The following FMN1 variants were observed in gnomAD, a reference collection of about 807,000 sequenced individuals.
The protein encoded by FMN1 is formin 1, also known as formin-1.
In FMN1, 110 loss-of-function variants were observed where a neutral mutation model predicts 132.4. That is an observed-to-expected ratio of 0.83 (90% confidence interval 0.71 to 0.97). The LOEUF (loss-of-function observed/expected upper bound fraction) is 0.97. Ranked by LOEUF, FMN1 falls within the 50% of genes least tolerant of loss-of-function variation. The pLI, the probability that FMN1 is intolerant of heterozygous loss-of-function variation, is 0.00. For missense variants in FMN1, 1,792 were observed against 1,705.3 expected, an observed-to-expected ratio of 1.05 and a Z score of -0.90; for synonymous variants, 722 against 651.7, an observed-to-expected ratio of 1.11 and a Z score of -1.64.
At chr15:32,826,071 T>C (rs1348431010) in intron 17 of FMN1, among the ~76,000 whole-genome samples, 1 of 152,202 alleles carries the variant, frequency 6.6e-6, no homozygotes, top group Non-Finnish European at 1.5e-5. Context: ...ATGATGGAAA[T>C]AGTAGTTAGA....
chr15:32,881,749 A>G (rs141512566), intron 16 of FMN1, among the ~76,000 whole-genome samples: 57 of 152,204 alleles, frequency 3.7e-4, no homozygotes, highest in African/African-American at 1.4e-3. Flanking sequence ...TTCGTTTTGC[A>G]GGGTCAGGGC....
intron 4 of FMN1, among the ~76,000 whole-genome samples, chr15:33,121,220 T>G (rs564596039): frequency 2.0e-5 from 3 of 152,354 alleles, no homozygotes; most frequent in African/African-American, 7.2e-5. Context: ...CAGTGGGTCC[T>G]GTGTCTTGAA....
chr15:33,080,372 G>C (rs2038402957), intron 5 of FMN1, among the ~76,000 whole-genome samples: 1 of 152,140 alleles, frequency 6.6e-6, no homozygotes, highest in South Asian at 2.1e-4. Flanking sequence ...CATTTTAAAG[G>C]TTTTATTCTT....
intron 15 of FMN1, among the ~76,000 whole-genome samples, chr15:32,893,591 T>A (rs916839602): frequency 6.6e-6 from 1 of 152,228 alleles, no homozygotes; most frequent in African/African-American, 2.4e-5. Context: ...TAATTGCTCA[T>A]CACCACTAAC....
intron 5 of FMN1, among the ~76,000 whole-genome samples, chr15:33,068,882 G>A (rs1463360935): frequency 6.6e-6 from 1 of 152,200 alleles, no homozygotes; most frequent in South Asian, 2.1e-4. Context: ...TACACTCCCT[G>A]TGCCAACCGC....
intron 15 of FMN1, among the ~76,000 whole-genome samples, chr15:32,891,962 C>T (rs2141522552): frequency 6.6e-6 from 1 of 152,198 alleles, no homozygotes; most frequent in African/African-American, 2.4e-5. Flanking sequence ...CTGGAGGAGT[C>T]TTTAGGGTTT....
rs544454449 is a variant in FMN1 at position 33,098,201 on chromosome 15, G to A, written c.1868-9227C>T. ...GAAATTAGAAAATATTTGGAACACAGCTAATTCAATAATCAGAGAGAAACT... is the reference window on the plus strand; with the variant it reads ...GAAATTAGAAAATATTTGGAACACAACTAATTCAATAATCAGAGAGAAACT... On this transcript the variant is annotated intron_variant, in intron 4 of 20. Transcript: ENST00000616417. 6.6e-5 allele frequency among the ~76,000 whole-genome samples: 10 copies of A among 152,272 alleles called. No individual in the cohort carries two copies. The South Asian group carries it at 1.9e-3, about 28-fold the overall frequency.
rs542153120 is a variant in FMN1, at chr15:32,906,705, G to GT, written c.3377+1784dup. On this transcript the variant is annotated intron_variant, in intron 12 of 20. Coordinates refer to ENST00000616417, the MANE Select transcript of FMN1 (RefSeq NM_001277313.2). ...CACTTTACTTTCAGTCATTAGCACC[G>GT]TAAGAGGGATTCATTTGTTATAATA... Among the ~76,000 whole-genome samples, 11 of 152,256 alleles carry GT rather than the reference G, an allele frequency of 7.2e-5. No individual in the cohort carries two copies. In the South Asian group the frequency reaches 1.9e-3, roughly 26 times the overall value.
intron 9 of FMN1, among the ~76,000 whole-genome samples, chr15:32,949,360 A>G (rs1201093579): frequency 2.6e-5 from 4 of 152,110 alleles, no homozygotes. Context: ...GACCAAGTGA[A>G]CAGAACAGAG....
chr15:32,997,258 C>G (rs2140890090), intron 7 of FMN1, among the ~76,000 whole-genome samples: 1 of 151,608 alleles, frequency 6.6e-6, no homozygotes, highest in African/African-American at 2.4e-5. Flanking sequence ...ATTTCTGAAA[C>G]CAGTGAAATA....
intron 16 of FMN1, among the ~76,000 whole-genome samples, chr15:32,866,531 A>G (rs1567295106): frequency 6.6e-6 from 1 of 152,230 alleles, no homozygotes; most frequent in Non-Finnish European, 1.5e-5. Flanking sequence ...AAGAAGAGCT[A>G]AACAATAACA....
At chr15:33,057,568 A>G (rs1460089152) in intron 6 of FMN1, among the ~76,000 whole-genome samples, 1 of 152,232 alleles carries the variant, frequency 6.6e-6, no homozygotes, top group African/African-American at 2.4e-5. Flanking sequence ...CAGCTGGCAC[A>G]TGACAGAGCC....
chr15:32,791,406 T>C (rs537346009), intron 19 of FMN1, among the ~76,000 whole-genome samples: 92 of 151,864 alleles, frequency 6.1e-4, no homozygotes, highest in African/African-American at 2.1e-3. Flanking sequence ...GACAACTTAA[T>C]ACATTAATAA....
At chr15:33,137,059 G>C (rs1389071579) in intron 4 of FMN1, among the ~76,000 whole-genome samples, 1 of 117,882 alleles carries the variant, frequency 8.5e-6, no homozygotes, top group African/African-American at 3.3e-5. Context: ...CTGCACTCCA[G>C]CCTGGGCGAC....
chr15:32,814,743 T>G (rs968743707), intron 17 of FMN1, among the ~76,000 whole-genome samples: 1 of 152,198 alleles, frequency 6.6e-6, no homozygotes, highest in Non-Finnish European at 1.5e-5. Flanking sequence ...TGAAGGTGTA[T>G]AGTTTCTGAA....
At chr15:33,085,675 A>G (rs2038662059) in intron 5 of FMN1, among the ~76,000 whole-genome samples, 1 of 151,702 alleles carries the variant, frequency 6.6e-6, no homozygotes, top group Non-Finnish European at 1.5e-5. Flanking sequence ...AAAAAACCTA[A>G]AAATACTTAT....
At chr15:32,968,649 T>C in intron 8 of FMN1, 65 bp downstream of exon 8, 2 of 1,598,838 alleles carry the variant, frequency 1.3e-6, no homozygotes, top group South Asian at 1.1e-5. Flanking sequence ...CCGGTAAGAA[T>C]AAAATATCAC....
intron 17 of FMN1, among the ~76,000 whole-genome samples, chr15:32,846,983 A>G (rs949255949): frequency 3.3e-5 from 5 of 152,204 alleles, no homozygotes; most frequent in African/African-American, 1.2e-4. Context: ...AAAGAGCCTG[A>G]CTGACTTGGC....
chr15:33,096,014 GA>G (rs976856114), intron 4 of FMN1, among the ~76,000 whole-genome samples: 42 of 141,158 alleles, frequency 3.0e-4, no homozygotes, highest in African/African-American at 1.1e-3. Context: ...AAAAAAAAAA[GA>G]AGGCACATTT....
Sources: allele counts gnomAD v4.1 joint callset (sites outside exome capture counted in the v4.1 genomes callset), GRCh38; gene constraint gnomAD v4.1.1; transcripts MANE v1.5; gene names NCBI Gene and HGNC (gene_info 2026-07-23, HGNC 2026-07-21).